Variants in TMC1 observed in about 807,000 individuals in gnomAD.
TMC1 encodes the protein transmembrane channel like 1.
Under a neutral mutation model 105.8 loss-of-function variants are expected in TMC1, and 84 were observed. The ratio of observed to expected loss-of-function variants is 0.79; its 90% CI spans 0.67 to 0.95. TMC1 has a LOEUF of 0.95. TMC1 is among the 40% of genes least tolerant of loss of function. The pLI is 0.00. For missense variants in TMC1, 817 were observed against 914.1 expected (o/e 0.89, Z 1.37); for synonymous variants, 315 against 311.5 (o/e 1.01, Z -0.12).
intron 10 of TMC1, among the ~76,000 whole-genome samples, chr9:72,742,727 CT>C (rs1451878084): frequency 1.3e-5 from 2 of 152,178 alleles, no homozygotes; most frequent in African/African-American, 4.8e-5. Flanking sequence ...AAGGACAATA[CT>C]GGGGACCCCA....
In TMC1 at chr9:72,836,296, G is replaced by T. The variant is rs1829126178; in HGVS notation, c.*323G>T. On this transcript the variant is annotated 3_prime_UTR_variant, in exon 24 of 24. Coordinates refer to ENST00000297784, the MANE Select transcript of TMC1 (RefSeq NM_138691.3). Reference sequence around the variant, plus strand: ...ATACAGTTTACTGGTTTAGTTGGTGGGTTAATTAAAAAAAATTTGCTCATA... The same window carrying T: ...ATACAGTTTACTGGTTTAGTTGGTGTGTTAATTAAAAAAAATTTGCTCATA... 3.3e-6 allele frequency: 1 copy of T among 306,854 alleles called. No individual in the cohort carries two copies. The highest frequency in any genetic ancestry group is 6.0e-6 in the Non-Finnish European group (1 of 167,356). 19.0% of individuals were successfully genotyped at this position (306,854 alleles called of 1,614,324 possible). A position where few individuals can be genotyped will look rare whatever the true frequency, so the allele number is the denominator to read the frequency against.
At chr9:72,752,447 A>AACACACAC (rs10640023) in intron 11 of TMC1, among the ~76,000 whole-genome samples, 32,742 of 148,994 alleles carry the variant, frequency 0.22, 3,841 homozygotes, top group East Asian at 0.33. Flanking sequence ...TAATGCCCAC[A>AACACACAC]ACACACACAC....
intron 2 of TMC1, among the ~76,000 whole-genome samples, chr9:72,601,473 G>A (rs1028303605): frequency 6.6e-6 from 1 of 151,958 alleles, no homozygotes; most frequent in African/African-American, 2.4e-5. Context: ...GTGAAACCCC[G>A]TCTCTACTAA....
intron 19 of TMC1, among the ~76,000 whole-genome samples, chr9:72,819,881 A>G (rs1365793967): frequency 1.3e-5 from 2 of 152,220 alleles, no homozygotes; most frequent in African/African-American, 4.8e-5. Flanking sequence ...TTTGATTTTG[A>G]AATAATAAAT....
chr9:72,556,118 ATT>A (rs776697230), intron 1 of TMC1, among the ~76,000 whole-genome samples: 2 of 141,158 alleles, frequency 1.4e-5, no homozygotes, highest in Non-Finnish European at 1.6e-5. Context: ...TCACCCGTGA[ATT>A]TTTTTTTTTT....
intron 4 of TMC1, among the ~76,000 whole-genome samples, chr9:72,633,901 C>T (rs938897607): frequency 1.3e-5 from 2 of 152,142 alleles, no homozygotes; most frequent in Non-Finnish European, 2.9e-5. Flanking sequence ...ATAAGACTGT[C>T]TATAATGGCT....
At chr9:72,801,962 A>G (rs1439189694) in intron 17 of TMC1, among the ~76,000 whole-genome samples, 2 of 152,184 alleles carry the variant, frequency 1.3e-5, no homozygotes, top group African/African-American at 4.8e-5. Flanking sequence ...GATGCTTAAG[A>G]GGATGTGGAG....
At chr9:72,640,909 G>A (rs1253851009) in intron 4 of TMC1, among the ~76,000 whole-genome samples, 3 of 152,112 alleles carry the variant, frequency 2.0e-5, no homozygotes, top group Non-Finnish European at 2.9e-5. Flanking sequence ...GGGATTACAG[G>A]TGTGAGCCAC....
chr9:72,748,126 A>T (rs181709738), intron 10 of TMC1, among the ~76,000 whole-genome samples: 111 of 152,318 alleles, frequency 7.3e-4, no homozygotes, highest in African/African-American at 2.5e-3. Flanking sequence ...TTAAAGGGCC[A>T]TATAGCAGTG....
intron 6 of TMC1, among the ~76,000 whole-genome samples, chr9:72,693,180 A>G (rs1431691873): frequency 6.6e-6 from 1 of 152,092 alleles, no homozygotes; most frequent in Non-Finnish European, 1.5e-5. Flanking sequence ...ACATTTAGTA[A>G]TATATGTAAT....
chr9:72,617,911 GTGT>G (rs1564447855), intron 3 of TMC1, among the ~76,000 whole-genome samples: 7 of 21,564 alleles, frequency 3.2e-4, no homozygotes, highest in Non-Finnish European at 6.8e-4. Flanking sequence ...TATGTGTGGT[GTGT>G]GTGTGTGTGT....
At chr9:72,733,791 C>T (rs1827254211) in intron 8 of TMC1, among the ~76,000 whole-genome samples, 1 of 152,144 alleles carries the variant, frequency 6.6e-6, no homozygotes, top group Non-Finnish European at 1.5e-5. Context: ...TTCCCTTCTT[C>T]ACAATTTCAG....
chr9:72,665,896 C>T (rs1160722099), intron 5 of TMC1, among the ~76,000 whole-genome samples: 1 of 152,186 alleles, frequency 6.6e-6, no homozygotes, highest in Admixed American at 6.5e-5. Context: ...ACTTTGCTTT[C>T]TCCATGAAGA....
At chr9:72,824,801 G>A (rs774775271) in intron 20 of TMC1, among the ~76,000 whole-genome samples, 11 of 152,194 alleles carry the variant, frequency 7.2e-5, no homozygotes, top group Non-Finnish European at 1.0e-4. Context: ...AGGAAAGTGC[G>A]CCAAACAGGA....
intron 1 of TMC1, among the ~76,000 whole-genome samples, chr9:72,535,991 C>T (rs950238687): frequency 5.3e-5 from 8 of 152,200 alleles, no homozygotes; most frequent in South Asian, 2.1e-4. Flanking sequence ...AAAATTTCAA[C>T]ATGAGGTTTG....
At chr9:72,790,407 T>C (rs1311011390) in intron 15 of TMC1, among the ~76,000 whole-genome samples, 1 of 152,162 alleles carries the variant, frequency 6.6e-6, no homozygotes, top group Non-Finnish European at 1.5e-5. Flanking sequence ...TAAAAACTTG[T>C]AAAATATAAG....
intron 4 of TMC1, among the ~76,000 whole-genome samples, chr9:72,639,493 T>C (rs1287575986): frequency 2.0e-5 from 3 of 152,170 alleles, no homozygotes; most frequent in African/African-American, 7.2e-5. Context: ...AGAAAAATCC[T>C]TTGAAAAAGG....
intron 17 of TMC1, among the ~76,000 whole-genome samples, chr9:72,800,803 G>A (rs1295716291): frequency 6.6e-6 from 1 of 152,122 alleles, no homozygotes; most frequent in African/African-American, 2.4e-5. Flanking sequence ...CAAGGGAAAA[G>A]GGGTTGTGGT....
intron 5 of TMC1, chr9:72,656,230 A>C: frequency 4.2e-6 from 2 of 481,708 alleles, no homozygotes; most frequent in Non-Finnish European, 8.0e-6. Flanking sequence ...TGTTCCGGCA[A>C]GAGTGAACAG....
Sources: allele counts gnomAD v4.1 joint callset (sites outside exome capture counted in the v4.1 genomes callset), GRCh38; gene constraint gnomAD v4.1.1; transcripts MANE v1.5; gene names NCBI Gene and HGNC (gene_info 2026-07-23, HGNC 2026-07-21).